Variants in CNTNAP2 observed in about 807,000 individuals in gnomAD.
The protein encoded by CNTNAP2 is contactin associated protein 2.
CNTNAP2 carries 98 observed loss-of-function variants against 155.2 expected under a neutral mutation model. The observed-to-expected ratio is 0.63, with a 90% confidence interval of 0.54 to 0.75. The LOEUF (loss-of-function observed/expected upper bound fraction) is 0.75. CNTNAP2 is among the 30% of genes least tolerant of loss of function. The probability of loss-of-function intolerance (pLI) is 0.00; values close to 1 mark genes in which losing one functional copy is unlikely to be tolerated. For synonymous variants in CNTNAP2, 651 were observed against 631.2 expected (o/e 1.03, Z -0.47); for missense variants, 1,727 against 1,688.1 (o/e 1.02, Z -0.40).
chr7:146,693,657 G>C (rs1318342790), intron 1 of CNTNAP2, among the ~76,000 whole-genome samples: 1 of 151,998 alleles, frequency 6.6e-6, no homozygotes, highest in South Asian at 2.1e-4. Context: ...ACTGACATTA[G>C]TATTTTTATC....
chr7:146,711,827 A>G (rs1801083160), intron 1 of CNTNAP2, among the ~76,000 whole-genome samples: 1 of 120,856 alleles, frequency 8.3e-6, no homozygotes. Flanking sequence ...ACAATATAGT[A>G]TACACATCTT....
intron 12 of CNTNAP2, among the ~76,000 whole-genome samples, chr7:147,572,120 C>T (rs955055502): frequency 6.6e-6 from 1 of 152,228 alleles, no homozygotes; most frequent in African/African-American, 2.4e-5. Flanking sequence ...TGATCAAACA[C>T]AGCCTGTAAA....
At chr7:147,240,203 G>A (rs937484428) in intron 8 of CNTNAP2, among the ~76,000 whole-genome samples, 6 of 152,274 alleles carry the variant, frequency 3.9e-5, no homozygotes, top group Non-Finnish European at 5.9e-5. Context: ...TGCGCCTCTC[G>A]TTCCTGCTAC....
intron 13 of CNTNAP2, among the ~76,000 whole-genome samples, chr7:147,710,992 G>A (rs1307950265): frequency 6.6e-6 from 1 of 152,092 alleles, no homozygotes; most frequent in Non-Finnish European, 1.5e-5. Context: ...CTGTTGTAGG[G>A]TTCATCTATT....
chr7:148,193,574 C>G (rs771125169), intron 18 of CNTNAP2, among the ~76,000 whole-genome samples: 1 of 151,936 alleles, frequency 6.6e-6, no homozygotes, highest in Non-Finnish European at 1.5e-5. Flanking sequence ...GATTCTGGGA[C>G]CTAAAAAGAT....
rs58353938 is a variant in CNTNAP2 at position 146,483,972 on chromosome 7, C to T, written c.98-290299C>T. On this transcript the variant is annotated intron_variant, in intron 1 of 23. Coordinates refer to ENST00000361727, the MANE Select transcript of CNTNAP2 (RefSeq NM_014141.6). ...TTCACATTCACCCACCACCCACTCA[C>T]TGACTCACCCAGAGCAACTTCTAGT... 7.1e-3 allele frequency among the ~76,000 whole-genome samples: 1,082 copies of T among 152,314 alleles called. 15 individuals carry two copies. The highest frequency in any genetic ancestry group is 0.024 in the African/African-American group (1,012 of 41,568).
At chr7:146,222,081 G>A (rs142513591) in intron 1 of CNTNAP2, among the ~76,000 whole-genome samples, 1 of 152,102 alleles carries the variant, frequency 6.6e-6, no homozygotes, top group Non-Finnish European at 1.5e-5. Context: ...TCAAGACTCT[G>A]GTTTTTGATT....
intron 21 of CNTNAP2, among the ~76,000 whole-genome samples, chr7:148,304,216 G>A (rs1366315772): frequency 2.0e-5 from 3 of 152,034 alleles, no homozygotes; most frequent in South Asian, 2.1e-4. Flanking sequence ...TCCAAACATC[G>A]AAAAAAGGAA....
chr7:147,388,183 C>T (rs1796653890), intron 9 of CNTNAP2, among the ~76,000 whole-genome samples: 1 of 151,922 alleles, frequency 6.6e-6, no homozygotes, highest in Non-Finnish European at 1.5e-5. Flanking sequence ...TGCAAATTGC[C>T]CTTAATTTGA....
At chr7:147,735,819 GT>G (rs1192855156) in intron 13 of CNTNAP2, among the ~76,000 whole-genome samples, 1 of 151,692 alleles carries the variant, frequency 6.6e-6, no homozygotes, top group African/African-American at 2.4e-5. Flanking sequence ...TTTAAAGTTT[GT>G]TTTATCAGAG....
intron 21 of CNTNAP2, among the ~76,000 whole-genome samples, chr7:148,300,738 A>G (rs1228413946): frequency 1.3e-5 from 2 of 152,206 alleles, no homozygotes; most frequent in Admixed American, 6.5e-5. Context: ...GAACCTTAAC[A>G]TTGTGTTAAG....
chr7:147,309,058 A>G (rs893108926), intron 9 of CNTNAP2, among the ~76,000 whole-genome samples: 3 of 152,180 alleles, frequency 2.0e-5, no homozygotes, highest in Non-Finnish European at 2.9e-5. Context: ...CCTTGAAAAT[A>G]CCACCTAACT....
chr7:147,938,559 A>G (rs1800658037), intron 14 of CNTNAP2, among the ~76,000 whole-genome samples: 1 of 152,348 alleles, frequency 6.6e-6, no homozygotes, highest in Admixed American at 6.5e-5. Flanking sequence ...AGAACATTTA[A>G]ATATATTAAA....
chr7:148,205,196 A>C (rs1210422506), intron 18 of CNTNAP2, among the ~76,000 whole-genome samples: 1 of 152,240 alleles, frequency 6.6e-6, no homozygotes, highest in Non-Finnish European at 1.5e-5. Context: ...AGCACGTGAG[A>C]AAATAAGGAA....
intron 1 of CNTNAP2, among the ~76,000 whole-genome samples, chr7:146,551,581 C>T (rs1045863174): frequency 7.3e-5 from 11 of 151,546 alleles, no homozygotes; most frequent in East Asian, 3.9e-4. Context: ...CTATTGTGAA[C>T]GTACCCTAAA....
At position 146,227,139 on chromosome 7, in the gene CNTNAP2, T is replaced by G. The variant is rs577125226; in HGVS notation, c.97+110166T>G. On this transcript the variant is annotated intron_variant, in intron 1 of 23. Transcript: ENST00000361727. ...AATGATGAGAGAATAGAAAAAAACT[T>G]TAGGGGCTGGGTGTGGTGGCTCACG... 3.9e-5 allele frequency among the ~76,000 whole-genome samples: 6 copies of G among 152,008 alleles called. No individual in the cohort carries two copies. The East Asian group carries it at 7.8e-4, about 20-fold the overall frequency.
chr7:147,550,501 G>T (rs1799830876), intron 11 of CNTNAP2, among the ~76,000 whole-genome samples: 1 of 152,202 alleles, frequency 6.6e-6, no homozygotes, highest in African/African-American at 2.4e-5. Context: ...GGAACTGGGA[G>T]TCCATTAAAC....
intron 8 of CNTNAP2, among the ~76,000 whole-genome samples, chr7:147,296,180 G>GTTCTA (rs1392714729): frequency 1.3e-5 from 2 of 152,142 alleles, no homozygotes; most frequent in African/African-American, 4.8e-5. Flanking sequence ...ATATCACGTT[G>GTTCTA]ATATCTTTGA....
At chr7:147,205,369 T>C (rs2116559069) in intron 8 of CNTNAP2, among the ~76,000 whole-genome samples, 1 of 152,274 alleles carries the variant, frequency 6.6e-6, no homozygotes, top group South Asian at 2.1e-4. Flanking sequence ...ATATACACTT[T>C]AAGATTATTT....
Sources: gnomAD v4.1 joint callset for allele counts (sites outside exome capture counted in the v4.1 genomes callset) on GRCh38, gnomAD v4.1.1 for gene constraint, MANE v1.5 for transcripts, NCBI Gene and HGNC (gene_info 2026-07-23, HGNC 2026-07-21) for gene names.